Variants in XRCC1 observed in about 807,000 individuals in gnomAD.
The protein encoded by XRCC1 is DNA repair protein XRCC1.
Under a neutral mutation model 83.3 loss-of-function variants are expected in XRCC1, and 52 were observed. The ratio of observed to expected loss-of-function variants is 0.62; its 90% confidence interval spans 0.50 to 0.79. XRCC1 has a LOEUF of 0.79. Ranked by LOEUF, XRCC1 falls within the 30% of genes least tolerant of loss-of-function variation. The pLI is 0.00. For missense variants in XRCC1, 793 were observed against 823.5 expected, an observed-to-expected ratio of 0.96 and a Z score of 0.45; for synonymous variants, 281 against 312.6, an observed-to-expected ratio of 0.90 and a Z score of 1.07.
At chr19:43,544,806 C>G (rs1369444884) in intron 14 of XRCC1, among the ~76,000 whole-genome samples, 1 of 151,146 alleles carries the variant, frequency 6.6e-6, no homozygotes, top group African/African-American at 2.4e-5. Context: ...CCACCACGCT[C>G]GGCTAATTTT....
At chr19:43,559,039 G>A (rs2146059199) in intron 3 of XRCC1, among the ~76,000 whole-genome samples, 1 of 152,176 alleles carries the variant, frequency 6.6e-6, no homozygotes, top group South Asian at 2.1e-4. Flanking sequence ...TACTCAGGAG[G>A]CTGAGGCTGG....
intron 2 of XRCC1, 58 bp downstream of exon 2, chr19:43,574,852 A>C: frequency 6.9e-7 from 1 of 1,452,326 alleles, no homozygotes; most frequent in Non-Finnish European, 9.7e-7. Context: ...TCAGGAGCAG[A>C]ATCTGGAACC....
In XRCC1 at chr19:43,544,299, G is replaced by A. The variant is rs542162536; in HGVS notation, c.1622-65C>T. On this transcript the variant is annotated intron_variant, in intron 14 of 16. Coordinates refer to ENST00000262887, the MANE Select transcript of XRCC1 (RefSeq NM_006297.3). The stretch of plus-strand genomic sequence containing the variant: ...AGGAGTTCCCAGGCACCAAACAGGA[G>A]TGACGAGGCTGACCCAGCAGCTGAG... 1.3e-5 allele frequency: 18 copies of A among 1,420,374 alleles called. No homozygotes were observed. The African/African-American group carries it at 1.8e-4, about 14-fold the overall frequency. 88.0% of individuals were successfully genotyped at this position (1,420,374 alleles called of 1,614,324 possible). A position where few individuals can be genotyped will look rare whatever the true frequency, so the allele number is the denominator to read the frequency against.
chr19:43,572,640 G>T (rs2146074013), intron 2 of XRCC1, among the ~76,000 whole-genome samples: 1 of 152,272 alleles, frequency 6.6e-6, no homozygotes, highest in African/African-American at 2.4e-5. Flanking sequence ...AGGAGTTCAA[G>T]ACCAGCCTAG....
chr19:43,557,510 T>C (rs1032574999), intron 3 of XRCC1, among the ~76,000 whole-genome samples: 6 of 152,040 alleles, frequency 3.9e-5, no homozygotes, highest in Admixed American at 6.6e-5. Flanking sequence ...AAGACAATTA[T>C]ACAGAAGGGA....
In XRCC1 at chr19:43,569,475, CA is replaced by C. The variant is rs34545606; in HGVS notation, c.144+5434del. 8.0e-3 allele frequency among the ~76,000 whole-genome samples: 1,032 copies of C among 129,726 alleles called. 11 individuals are homozygous for C. The highest frequency in any genetic ancestry group is 0.016 in the African/African-American group (546 of 33,894). 85.1% of individuals were successfully genotyped at this position (129,726 alleles called of 152,430 possible). On this transcript the variant is annotated intron_variant, in intron 2 of 16. Coordinates refer to ENST00000262887, the MANE Select transcript of XRCC1 (RefSeq NM_006297.3). ...TGGGCAACATAGTGAGACCCTGTCT[CA>C]AAAAAAAAAAAAAAAGACAATAGGA...
chr19:43,564,882 C>T (rs1044913249), intron 2 of XRCC1, among the ~76,000 whole-genome samples: 7 of 152,128 alleles, frequency 4.6e-5, no homozygotes, highest in African/African-American at 7.2e-5. Flanking sequence ...AATCTAGATG[C>T]GGCAGGGCTG....
rs568850675 is a variant in XRCC1, at chr19:43,553,203, T to C, written c.602-112A>G. The C allele has an allele frequency of 8.7e-6, 11 of 1,257,822 alleles. No homozygotes were observed. The African/African-American group carries it at 1.3e-4, about 15-fold the overall frequency. 77.9% of individuals were successfully genotyped at this position (1,257,822 alleles called of 1,614,324 possible). ...CCAAAACCCACCAGTGATCCAGGAG[T>C]CCCAGCCTCCAGACCTCTCAACCCT... On this transcript the variant is annotated intron_variant, in intron 6 of 16. Transcript: ENST00000262887.
chr19:43,548,052 CCA>C (rs1972532405), intron 10 of XRCC1, among the ~76,000 whole-genome samples: 1 of 148,774 alleles, frequency 6.7e-6, no homozygotes, highest in Non-Finnish European at 1.5e-5. Context: ...AGGTGGGGGG[CCA>C]GCCGCCCCGT....
intron 2 of XRCC1, among the ~76,000 whole-genome samples, chr19:43,564,783 C>T (rs985846216): frequency 1.5e-5 from 2 of 136,628 alleles, no homozygotes; most frequent in African/African-American, 5.2e-5. Context: ...AGCGAAACTC[C>T]GTCTCAAAAA....
In XRCC1 at chr19:43,543,612, C is replaced by T. The variant is rs757167693; in HGVS notation, c.1788G>A (p.Glu596=). The change falls in exon 16 of 17, where the codon GAG becomes GAA. Residue 596 remains glutamate, a splice_region_variant and synonymous_variant. Transcript: ENST00000262887. ...TAQEWDPSFE[E]ALMDNPSLAF... ...CATTCTCTGCCTCTTTGGTACTCACCTCCTCAAAGCTGGGATCCCATTCCT... is the reference window on the plus strand; with the variant it reads ...CATTCTCTGCCTCTTTGGTACTCACTTCCTCAAAGCTGGGATCCCATTCCT... 1 of 1,613,804 alleles carries T rather than the reference C, an allele frequency of 6.2e-7. No individual in the cohort carries two copies. Among genetic ancestry groups the T allele is most frequent in the Non-Finnish European group, 8.5e-7 (1 of 1,180,006 alleles).
chr19:43,571,594 TC>T (rs1972806982), intron 2 of XRCC1, among the ~76,000 whole-genome samples: 1 of 152,222 alleles, frequency 6.6e-6, no homozygotes, highest in Non-Finnish European at 1.5e-5. Context: ...GCCTTGATCT[TC>T]CAGGCTCAAG....
chr19:43,564,102 C>T lies in XRCC1; in HGVS notation c.145-3082G>A, dbSNP rs186369418. ...GTCTATCTCATAAAGTTGTTGAGAA[C>T]ATTCAAATCCATACCAAGAATGAGA... On this transcript the variant is annotated intron_variant, in intron 2 of 16. Coordinates refer to ENST00000262887, the MANE Select transcript of XRCC1 (RefSeq NM_006297.3). Among the ~76,000 whole-genome samples, 189 of 152,294 alleles carry T rather than the reference C, an allele frequency of 1.2e-3. 2 individuals are homozygous for T. The highest frequency in any genetic ancestry group is 6.8e-3 in the Middle Eastern group (2 of 294).
chr19:43,544,851 T>G (rs1972493204), intron 14 of XRCC1, among the ~76,000 whole-genome samples: 1 of 146,534 alleles, frequency 6.8e-6, no homozygotes, highest in African/African-American at 2.5e-5. Context: ...TCGGGGGGGG[T>G]CTCACTATGT....
chr19:43,554,866 A>C (rs2146054369), intron 3 of XRCC1, 62 bp from the exon 4 acceptor site: 1 of 1,558,228 alleles, frequency 6.4e-7, no homozygotes, highest in Non-Finnish European at 8.7e-7. Context: ...GAGAGCTTCT[A>C]GGGGCTGGGG....
At chr19:43,573,395 G>A (rs1972823488) in intron 2 of XRCC1, among the ~76,000 whole-genome samples, 1 of 152,160 alleles carries the variant, frequency 6.6e-6, no homozygotes, top group African/African-American at 2.4e-5. Flanking sequence ...GCTGAAGTTA[G>A]ATGTGCTGAA....
chr19:43,555,058 A>C, intron 3 of XRCC1: 1 of 326,022 alleles, frequency 3.1e-6, no homozygotes. Flanking sequence ...GGAGTCTTCC[A>C]TATCTGGCAA....
chr19:43,546,618 A>G lies in XRCC1; in HGVS notation c.1403T>C (p.Ile468Thr), dbSNP rs376540134. Reference sequence around the variant, plus strand: ...ACCTGACTGTACCCCCTCAATGTCTATATCTTCCTGGAGCACTGGTGAGGC... The same window carrying G: ...ACCTGACTGTACCCCCTCAATGTCTGTATCTTCCTGGAGCACTGGTGAGGC... ...KAASPVLQED[I>T]DIEGVQSEGQ... The change falls in exon 12 of 17, where the codon ATA becomes ACA. Residue 468 changes from isoleucine to threonine, a missense_variant. Physicochemically the swap from Ile to Thr is moderately conservative, Grantham distance 89. Transcript: ENST00000262887. The G allele has an allele frequency of 3.0e-4, 482 of 1,610,868 alleles. 3 individuals carry two copies. The South Asian group carries it at 3.7e-3, about 12-fold the overall frequency.
intron 12 of XRCC1, 32 bp from the exon 13 acceptor site, chr19:43,546,138 G>GC (rs747186368): frequency 5.0e-6 from 8 of 1,613,122 alleles, no homozygotes; most frequent in Non-Finnish European, 5.9e-6. Context: ...ATGCAAGGCT[G>GC]CCTTGTCTCC....
Sources: allele counts gnomAD v4.1 joint callset (sites outside exome capture counted in the v4.1 genomes callset), GRCh38; gene constraint gnomAD v4.1.1; transcripts MANE v1.5; gene names NCBI Gene and HGNC (gene_info 2026-07-23, HGNC 2026-07-21).